STXBP5: variants seen among roughly 807,000 people sequenced by gnomAD.
The protein encoded by STXBP5 is syntaxin-binding protein 5.
A neutral mutation model predicts 152.4 loss-of-function variants in STXBP5; 50 were observed. The ratio of observed to expected loss-of-function variants is 0.33; its 90% confidence interval spans 0.26 to 0.42. The LOEUF is 0.42. STXBP5 is among the 10% of genes least tolerant of loss of function. STXBP5 has a pLI of 1.00. For synonymous variants in STXBP5, 492 were observed against 494.7 expected, an observed-to-expected ratio of 0.99 and a Z score of 0.07; for missense variants, 1,167 against 1,388.6, an observed-to-expected ratio of 0.84 and a Z score of 2.54.
intron 22 of STXBP5, among the ~76,000 whole-genome samples, chr6:147,358,026 C>T (rs995193117): frequency 3.3e-5 from 5 of 152,058 alleles, no homozygotes; most frequent in African/African-American, 9.7e-5. Context: ...TTTTTAAATG[C>T]GCCTGTCATT....
chr6:147,213,644 A>G (rs1452156769), intron 2 of STXBP5, among the ~76,000 whole-genome samples: 1 of 152,152 alleles, frequency 6.6e-6, no homozygotes, highest in South Asian at 2.1e-4. Context: ...GGATATCAGT[A>G]GTGTAGCAGT....
chr6:147,310,083 G>A lies in STXBP5; in HGVS notation c.918-1G>A. 1 of 1,524,920 alleles carries A rather than the reference G, an allele frequency of 6.6e-7. No individual in the cohort carries two copies. Among genetic ancestry groups the A allele is most frequent in the Non-Finnish European group, 8.8e-7 (1 of 1,140,418 alleles). The allele number at this position is 1,524,920 out of a possible 1,614,324, so 94.5% of individuals were successfully genotyped here. The stretch of plus-strand genomic sequence containing the variant: ...AATCTTAATATGTATTTTATTTCCA[G>A]GGAGCCTTTTATTATTTTATCAGGA... On this transcript the variant is annotated splice_acceptor_variant, in intron 9 of 27. Transcript: ENST00000321680. LOFTEE classifies it high-confidence loss of function.
chr6:147,339,881 G>A (rs1582967307), intron 21 of STXBP5, among the ~76,000 whole-genome samples: 2 of 151,770 alleles, frequency 1.3e-5, no homozygotes, highest in South Asian at 2.1e-4. Flanking sequence ...CTCTCTCACC[G>A]CAAGTAAAAA....
intron 9 of STXBP5, among the ~76,000 whole-genome samples, chr6:147,305,133 CAAGAT>C (rs903621159): frequency 2.1e-4 from 32 of 152,228 alleles, no homozygotes; most frequent in African/African-American, 7.0e-4. Flanking sequence ...TGATCTAAGA[CAAGAT>C]AAGTACAGAA....
At chr6:147,248,564 A>G (rs1778932125) in intron 4 of STXBP5, among the ~76,000 whole-genome samples, 1 of 152,198 alleles carries the variant, frequency 6.6e-6, no homozygotes, top group African/African-American at 2.4e-5. Context: ...GGAGCTTCTC[A>G]TAACTTACTG....
intron 8 of STXBP5, among the ~76,000 whole-genome samples, chr6:147,289,491 G>A (rs1425069356): frequency 6.6e-6 from 1 of 152,044 alleles, no homozygotes; most frequent in African/African-American, 2.4e-5. Flanking sequence ...ATTTAGATGT[G>A]TATTTCTGTA....
intron 25 of STXBP5, among the ~76,000 whole-genome samples, chr6:147,369,037 A>C (rs1414180900): frequency 6.6e-6 from 1 of 152,018 alleles, no homozygotes. Flanking sequence ...TACACAAAAC[A>C]GCTCTGAAAA....
chr6:147,308,014 T>TA (rs1402991760), intron 9 of STXBP5, among the ~76,000 whole-genome samples: 3 of 152,142 alleles, frequency 2.0e-5, no homozygotes, highest in Admixed American at 6.6e-5. Flanking sequence ...TAACACAGTT[T>TA]AAAAAAACAG....
chr6:147,219,903 T>G (rs1297827974), intron 2 of STXBP5, among the ~76,000 whole-genome samples: 1 of 151,320 alleles, frequency 6.6e-6, no homozygotes, highest in African/African-American at 2.4e-5. Context: ...TTAACTGTTA[T>G]TATTTATTTT....
chr6:147,260,675 T>C lies in STXBP5; in HGVS notation c.492T>C (p.Gly164=). 6.2e-7 allele frequency: 1 copy of C among 1,613,768 alleles called. No individual in the cohort carries two copies. The highest frequency in any genetic ancestry group is 8.5e-7 in the Non-Finnish European group (1 of 1,179,756). Residue 164 remains glycine (G), a synonymous_variant, in exon 5 of 28, where the codon GGT becomes GGC. Transcript: ENST00000321680. ...GGCTCTATGTGGGCACTGAACGAGG[T>C]AATATACATATTGTCAATGTGGAGT... ...SKWLYVGTER[G]NIHIVNVESF...
At chr6:147,353,638 T>C (rs1784688807) in intron 22 of STXBP5, among the ~76,000 whole-genome samples, 1 of 152,176 alleles carries the variant, frequency 6.6e-6, no homozygotes, top group Admixed American at 6.5e-5. Flanking sequence ...TAGCATAAGA[T>C]TGAATTTGTG....
intron 21 of STXBP5, among the ~76,000 whole-genome samples, chr6:147,350,083 A>T (rs1306057263): frequency 6.6e-6 from 1 of 152,220 alleles, no homozygotes; most frequent in Non-Finnish European, 1.5e-5. Flanking sequence ...TATGACATTT[A>T]TAGTAAAATT....
rs767514750 is a variant in STXBP5 at position 147,278,055 on chromosome 6, A to T, written c.715-26A>T. ...AGTTTACTGTTTAAATAGATTTTTT[A>T]AATGGTATTTTTCATCCTTCTATAG... On this transcript the variant is annotated intron_variant, in intron 7 of 27. Transcript: ENST00000321680. The T allele has an allele frequency of 3.2e-6, 5 of 1,581,940 alleles. No individual in the cohort carries two copies. In the Admixed American group the frequency reaches 9.0e-5, roughly 28 times the overall value.
chr6:147,258,668 C>G (rs964476135), intron 4 of STXBP5, among the ~76,000 whole-genome samples: 1 of 152,102 alleles, frequency 6.6e-6, no homozygotes, highest in African/African-American at 2.4e-5. Context: ...CTCCTGACCT[C>G]GTGATCTGCC....
rs1784942780 is a variant in STXBP5, at chr6:147,359,087, T to C, written c.2309T>C (p.Val770Ala). Residue 770 changes from valine (V) to alanine (A), a missense_variant, in exon 23 of 28, where the codon GTA becomes GCA. Physicochemically the swap from Val to Ala is moderately conservative, Grantham distance 64. This residue lies in a region of STXBP5 where 833 missense variants were observed against 986.3 expected (regional missense o/e 0.84). Coordinates refer to ENST00000321680, the MANE Select transcript of STXBP5 (RefSeq NM_001127715.4). ...LPTDLKPDLDVKDNSFSRSRS... is the reference protein window; with the variant it reads ...LPTDLKPDLDAKDNSFSRSRS... ...ACAACATTTTTAACCATTTCAGATG[T>C]AAAGGATAACTCCTTTAGCCGATCA... The C allele has an allele frequency of 1.9e-6, 3 of 1,613,458 alleles. No homozygotes were observed. In the East Asian group the frequency reaches 6.7e-5, roughly 36 times the overall value.
At chr6:147,269,540 A>G (rs1351571585) in intron 7 of STXBP5, among the ~76,000 whole-genome samples, 1 of 152,180 alleles carries the variant, frequency 6.6e-6, no homozygotes, top group African/African-American at 2.4e-5. Context: ...GAAAATAGAA[A>G]CAGACTCAGA....
intron 4 of STXBP5, among the ~76,000 whole-genome samples, chr6:147,240,849 A>G (rs1194387900): frequency 1.3e-5 from 2 of 152,220 alleles, no homozygotes; most frequent in African/African-American, 4.8e-5. Flanking sequence ...AAGCAAGCAT[A>G]GAGACTAGAG....
At chr6:147,294,164 G>C (rs1164545543) in intron 9 of STXBP5, among the ~76,000 whole-genome samples, 1 of 152,100 alleles carries the variant, frequency 6.6e-6, no homozygotes, top group Non-Finnish European at 1.5e-5. Flanking sequence ...CAATTCCATT[G>C]AAGTTGTTTC....
intron 21 of STXBP5, among the ~76,000 whole-genome samples, chr6:147,346,314 G>A (rs1367543161): frequency 1.3e-5 from 2 of 152,192 alleles, no homozygotes; most frequent in Non-Finnish European, 2.9e-5. Flanking sequence ...CCAGTGTACA[G>A]AGTACAAGCC....
Sources: allele counts gnomAD v4.1 joint callset (sites outside exome capture counted in the v4.1 genomes callset), GRCh38; gene constraint gnomAD v4.1.1; regional missense constraint gnomAD v4.1.1; transcripts MANE v1.5; gene names NCBI Gene and HGNC (gene_info 2026-07-23, HGNC 2026-07-21).